The following SYNM variants were observed in gnomAD, a reference collection of about 807,000 sequenced individuals.
The protein encoded by SYNM is synemin.
Under a neutral mutation model 104.0 loss-of-function variants are expected in SYNM, and 95 were observed. That is an observed-to-expected ratio of 0.91 (90% CI 0.77 to 1.08). The LOEUF (loss-of-function observed/expected upper bound fraction) is 1.08, where lower values mean the gene tolerates loss of function less well. Among genes scored for constraint, SYNM ranks in the 50% least tolerant of loss-of-function variants. SYNM has a pLI of 0.00. For synonymous variants in SYNM, 918 were observed against 869.0 expected (o/e 1.06, Z -0.99); for missense variants, 2,150 against 2,052.2 (o/e 1.05, Z -0.92).
intron 1 of SYNM, among the ~76,000 whole-genome samples, chr15:99,108,585 CA>C (rs782141573): frequency 7.2e-5 from 11 of 152,176 alleles, no homozygotes; most frequent in Non-Finnish European, 1.5e-4. Flanking sequence ...GAGCCTTTAG[CA>C]AGTGCTTCGT....
chr15:99,139,770 T>C (rs1555489362), downstream of SYNM: 1 of 1,298,898 alleles, frequency 7.7e-7, no homozygotes. Flanking sequence ...AAAAATAGTT[T>C]TGTTTTTTTT....
downstream of SYNM, chr15:99,139,245 G>C (rs1567300573): frequency 1.9e-6 from 3 of 1,568,424 alleles, no homozygotes; most frequent in African/African-American, 4.0e-5. Flanking sequence ...GAACCTTCTA[G>C]AACCAGCTTT....
intron 3 of SYNM, among the ~76,000 whole-genome samples, chr15:99,127,833 T>C (rs1596132718): frequency 6.6e-6 from 1 of 152,190 alleles, no homozygotes; most frequent in African/African-American, 2.4e-5. Flanking sequence ...TACCTAAGTT[T>C]GGACATCCAT....
rs189595913 is a variant in SYNM, at chr15:99,132,333, G to C, written c.3973G>C (p.Val1325Leu). ...GAGGCATCAGACCACCCAGCAGATA[G>C]TTTACCATGGGCTGGTTCCCCAACT... The part of the protein sequence containing the change: ...PQRHQTTQQI[V>L]YHGLVPQLGE... The change falls in exon 4 of 4, where the codon GTT (valine) becomes CTT (leucine). Residue 1325 changes from valine (V) to leucine (L), a missense_variant. Transcript: ENST00000336292. 46 of 1,613,294 alleles carry C rather than the reference G, an allele frequency of 2.9e-5. No homozygotes were observed. The highest frequency in any genetic ancestry group is 1.6e-4 in the Middle Eastern group (1 of 6,062).
intron 2 of SYNM, among the ~76,000 whole-genome samples, chr15:99,117,668 C>T (rs1390370366): frequency 6.6e-6 from 1 of 152,160 alleles, no homozygotes; most frequent in African/African-American, 2.4e-5. Flanking sequence ...CTTCGTCCTG[C>T]CCCCTGTTCT....
chr15:99,117,401 C>G (rs536628692), intron 2 of SYNM, among the ~76,000 whole-genome samples: 1 of 152,134 alleles, frequency 6.6e-6, no homozygotes, highest in South Asian at 2.1e-4. Flanking sequence ...GGGTTGGGGT[C>G]CCAGCCTCTT....
downstream of SYNM, chr15:99,140,176 C>T (rs1555489640): frequency 6.3e-6 from 1 of 158,692 alleles, no homozygotes; most frequent in African/African-American, 2.4e-5. Context: ...TGACAGATGA[C>T]AGAAATGGCC....
chr15:99,128,001 C>CTTCATTCATTCATTCATTCATTCA (rs57585643), intron 3 of SYNM, among the ~76,000 whole-genome samples: 1 of 151,032 alleles, frequency 6.6e-6, no homozygotes, highest in Non-Finnish European at 1.5e-5. Context: ...TGTTAACTTG[C>CTTCATTCATTCATTCATTCATTCA]TTCATTCATT....
rs530760007 is a variant in SYNM, at chr15:99,123,466, G to A, written c.936-3256G>A. ...GTCTCACCTTTCCCGTTCAGGTGGC[G>A]TTGCTGGTCATGGGAATGGAACTCC... On this transcript the variant is annotated intron_variant, in intron 2 of 3. Coordinates refer to ENST00000336292, the MANE Select transcript of SYNM (RefSeq NM_145728.3). Among the ~76,000 whole-genome samples, 4 of 152,186 alleles carry A rather than the reference G, an allele frequency of 2.6e-5. No homozygotes were observed. In the South Asian group the frequency reaches 6.2e-4, roughly 24 times the overall value.
rs782626403 is a variant in SYNM, at chr15:99,105,925, C to T, written c.726C>T (p.Leu242=). The change falls in exon 1 of 4, where the codon CTC becomes CTT. Residue 242 remains leucine, a synonymous_variant. Coordinates refer to ENST00000336292, the MANE Select transcript of SYNM (RefSeq NM_145728.3). Reference sequence around the variant, plus strand: ...CAGAGGCGCTGCGGCGCGAGGCGCTCGGGTTGGAGCAGCTGCGCGCGCGGC... The same window carrying T: ...CAGAGGCGCTGCGGCGCGAGGCGCTTGGGTTGGAGCAGCTGCGCGCGCGGC... ...QEAEALRREA[L]GLEQLRARLE... 2.0e-6 allele frequency: 3 copies of T among 1,529,914 alleles called. No homozygotes were observed. Among genetic ancestry groups the T allele is most frequent in the South Asian group, 2.4e-5 (2 of 82,848 alleles). The allele number at this position is 1,529,914 out of a possible 1,614,324, so 94.8% of individuals were successfully genotyped here. A position where few individuals can be genotyped will look rare whatever the true frequency, so the allele number is the denominator to read the frequency against.
At chr15:99,106,059 C>A in intron 1 of SYNM, 50 bp downstream of exon 1, 1 of 1,376,360 alleles carries the variant, frequency 7.3e-7, no homozygotes, top group Non-Finnish European at 9.3e-7. Flanking sequence ...GCCGTCGCCC[C>A]AGCACCCTGC....
chr15:99,114,735 C>T (rs1487341937), intron 2 of SYNM, among the ~76,000 whole-genome samples: 3 of 151,686 alleles, frequency 2.0e-5, no homozygotes, highest in Non-Finnish European at 4.4e-5. Context: ...CTGGGTGTGG[C>T]CTGCAGGCCG....
intron 1 of SYNM, among the ~76,000 whole-genome samples, chr15:99,106,238 C>T (rs373478430): frequency 2.6e-5 from 4 of 152,210 alleles, no homozygotes; most frequent in South Asian, 2.1e-4. Context: ...GCCCCGTCCT[C>T]GTCATGGGGT....
At chr15:99,122,986 A>T (rs1394297217) in intron 2 of SYNM, among the ~76,000 whole-genome samples, 1 of 152,180 alleles carries the variant, frequency 6.6e-6, no homozygotes, top group Non-Finnish European at 1.5e-5. Context: ...AGTTAGCTGG[A>T]AATCAGTTTT....
chr15:99,118,715 CATAAG>C (rs782635650), intron 2 of SYNM, among the ~76,000 whole-genome samples: 93 of 152,180 alleles, frequency 6.1e-4, no homozygotes, highest in Admixed American at 2.0e-3. Flanking sequence ...ATAAAATAAA[CATAAG>C]ATAATAAAAT....
At chr15:99,120,927 G>A (rs527340681) in intron 2 of SYNM, among the ~76,000 whole-genome samples, 19 of 152,240 alleles carry the variant, frequency 1.2e-4, no homozygotes, top group African/African-American at 4.6e-4. Context: ...CATTCCTAGG[G>A]GGTAGTGTCG....
At chr15:99,110,717 T>C (rs1008014119) in intron 1 of SYNM, among the ~76,000 whole-genome samples, 10 of 152,224 alleles carry the variant, frequency 6.6e-5, no homozygotes, top group African/African-American at 2.4e-4. Context: ...ATGCCTTTCC[T>C]GGTGTGGAGC....
chr15:99,118,707 AAAAT>A (rs1459799680), intron 2 of SYNM, among the ~76,000 whole-genome samples: 6 of 152,154 alleles, frequency 3.9e-5, no homozygotes, highest in African/African-American at 1.4e-4. Flanking sequence ...ATAATTTAAT[AAAAT>A]AAACATAAGA....
At chr15:99,138,038 T>G (rs1555488008), downstream of SYNM, 5 of 1,614,122 alleles carry the variant, frequency 3.1e-6, no homozygotes, top group Admixed American at 6.7e-5. Flanking sequence ...GGGCCGGGCC[T>G]TCCCCAGCAG....
Sources: allele counts gnomAD v4.1 joint callset (sites outside exome capture counted in the v4.1 genomes callset), GRCh38; gene constraint gnomAD v4.1.1; transcripts MANE v1.5; gene names NCBI Gene and HGNC (gene_info 2026-07-23, HGNC 2026-07-21).